Variants in PTPN3 observed in about 807,000 individuals in gnomAD.
PTPN3 encodes the protein tyrosine-protein phosphatase non-receptor type 3.
Under a neutral mutation model 132.7 loss-of-function variants are expected in PTPN3, and 96 were observed. The observed-to-expected ratio is 0.72, with a 90% CI of 0.61 to 0.86. The LOEUF is 0.86. PTPN3 is among the 40% of genes least tolerant of loss of function. The pLI is 0.00. For missense variants in PTPN3, 1,125 were observed against 1,159.6 expected (o/e 0.97, Z 0.43); for synonymous variants, 398 against 429.0 (o/e 0.93, Z 0.89).
chr9:109,381,669 T>A lies in PTPN3; in HGVS notation c.2647A>T (p.Met883Leu). 6.2e-7 allele frequency: 1 copy of A among 1,614,232 alleles called. No homozygotes were observed. The change falls in exon 25 of 26, where the codon ATG becomes TTG. Residue 883 changes from methionine to leucine, a missense_variant. Transcript: ENST00000374541. ...CTACTCACTGATGTCTGCACCATCATGGCGCGCTGGTCTCGCATTTTTCGG... is the reference window on the plus strand; with the variant it reads ...CTACTCACTGATGTCTGCACCATCAAGGCGCGCTGGTCTCGCATTTTTCGG... The part of the protein sequence containing the change: ...IVRKMRDQRA[M>L]MVQTSSQYKF...
At chr9:109,457,483 A>C (rs1352837545) in intron 2 of PTPN3, 84 bp from the exon 3 acceptor site, 7 of 1,096,700 alleles carry the variant, frequency 6.4e-6, no homozygotes, top group Admixed American at 2.3e-5. Flanking sequence ...AAAAAGAGTT[A>C]AAATATTCAG....
In PTPN3 at chr9:109,410,252, C is replaced by T. The variant is rs753503028; in HGVS notation, c.1477G>A (p.Ala493Thr). The T allele has an allele frequency of 3.8e-5, 61 of 1,613,426 alleles. No individual in the cohort carries two copies. The highest frequency in any genetic ancestry group is 1.7e-4 in the Middle Eastern group (1 of 6,060). Residue 493 changes from alanine (A) to threonine (T), a missense_variant, in exon 15 of 26, where the codon GCC becomes ACC. Physicochemically the swap from Ala to Thr is moderately conservative, Grantham distance 58. Coordinates refer to ENST00000374541, the MANE Select transcript of PTPN3 (RefSeq NM_002829.4). The part of the protein sequence containing the change: ...RVTKGGSTED[A>T]SQYYCDKNDN... ...ACCTTGTCACAGTAGTACTGGCTGG[C>T]GTCCTCGGTGGAGCCCCCTTTGGTC...
intron 14 of PTPN3, among the ~76,000 whole-genome samples, chr9:109,415,668 G>A (rs1051481728): frequency 5.9e-5 from 9 of 152,312 alleles, no homozygotes; most frequent in African/African-American, 1.9e-4. Flanking sequence ...CAGTGCAGTG[G>A]GGATGGTGGA....
intron 16 of PTPN3, among the ~76,000 whole-genome samples, chr9:109,408,795 AAATATAT>A (rs1322867520): frequency 1.3e-3 from 114 of 85,532 alleles, no homozygotes; most frequent in African/African-American, 3.9e-3. Context: ...AAAAAAAAAA[AAATATAT>A]ATATATATAT....
At chr9:109,457,068 GA>G in intron 4 of PTPN3, 104 bp downstream of exon 4, 1 of 1,228,934 alleles carries the variant, frequency 8.1e-7, no homozygotes, top group Non-Finnish European at 1.2e-6. Flanking sequence ...TGGACACCCG[GA>G]ACTACAGGTA....
chr9:109,466,697 A>G (rs998666933), intron 1 of PTPN3, among the ~76,000 whole-genome samples: 1 of 152,216 alleles, frequency 6.6e-6, no homozygotes, highest in African/African-American at 2.4e-5. Context: ...ATTCTGGCAG[A>G]CGCAAGTCAC....
the PTPN3 span, among the ~76,000 whole-genome samples, chr9:109,536,828 C>T: frequency 1.9e-4 from 29 of 152,112 alleles, no homozygotes; most frequent in Non-Finnish European, 3.5e-4. Context: ...TATTGTAAGT[C>T]TCTGGGAAGT....
chr9:109,437,939 T>C (rs1056602172), intron 8 of PTPN3, among the ~76,000 whole-genome samples, 175 bp downstream of exon 8: 9 of 152,160 alleles, frequency 5.9e-5, no homozygotes, highest in African/African-American at 1.2e-4. Flanking sequence ...TTTACAGAAA[T>C]GCTAGTTATG....
chr9:109,430,795 G>T (rs1012669804), intron 10 of PTPN3, among the ~76,000 whole-genome samples: 1 of 152,214 alleles, frequency 6.6e-6, no homozygotes, highest in East Asian at 1.9e-4. Flanking sequence ...AGCCCTCCAT[G>T]ACCTGGCCCC....
At chr9:109,478,413 C>T (rs1437232632) in intron 1 of PTPN3, among the ~76,000 whole-genome samples, 1 of 152,180 alleles carries the variant, frequency 6.6e-6, no homozygotes, top group Non-Finnish European at 1.5e-5. Context: ...CGTGGGTGTA[C>T]ATAACTGTGG....
intron 5 of PTPN3, 32 bp downstream of exon 5, chr9:109,454,464 C>T (rs779970129): frequency 1.9e-6 from 3 of 1,568,514 alleles, no homozygotes; most frequent in Non-Finnish European, 2.6e-6. Context: ...TTTTTATACA[C>T]TAAACAGAAA....
Position 109,479,804 on chromosome 9 carries a change from C to T in PTPN3, c.-17-16353G>A, listed in dbSNP as rs867886618. Reference sequence around the variant, plus strand: ...CTGTTGCCCAGGCTGGTCTCAAACTCCTGAGCTCAAGCGATACACCCTCCC... The same window carrying T: ...CTGTTGCCCAGGCTGGTCTCAAACTTCTGAGCTCAAGCGATACACCCTCCC... On this transcript the variant is annotated intron_variant, in intron 1 of 25. Coordinates refer to ENST00000374541, the MANE Select transcript of PTPN3 (RefSeq NM_002829.4). Among the ~76,000 whole-genome samples, 3 of 152,238 alleles carry T rather than the reference C, an allele frequency of 2.0e-5. No individual in the cohort carries two copies. In the Middle Eastern group the frequency reaches 0.01, roughly 521 times the overall value.
At chr9:109,461,337 T>C (rs1845834090) in intron 2 of PTPN3, among the ~76,000 whole-genome samples, 1 of 152,080 alleles carries the variant, frequency 6.6e-6, no homozygotes, top group East Asian at 1.9e-4. Context: ...GGACAAGGGA[T>C]TGACATCTTT....
At chr9:109,443,235 C>T (rs1844621480) in intron 7 of PTPN3, among the ~76,000 whole-genome samples, 1 of 152,178 alleles carries the variant, frequency 6.6e-6, no homozygotes, top group Non-Finnish European at 1.5e-5. Flanking sequence ...CACCACCACA[C>T]CCAGCTAATT....
At chr9:109,460,470 G>A (rs1429745585) in intron 2 of PTPN3, among the ~76,000 whole-genome samples, 1 of 151,974 alleles carries the variant, frequency 6.6e-6, no homozygotes, top group Non-Finnish European at 1.5e-5. Flanking sequence ...GATCTACAAG[G>A]CTCCATGCGA....
At chr9:109,404,945 T>A (rs1257708460) in intron 18 of PTPN3, among the ~76,000 whole-genome samples, 1 of 152,226 alleles carries the variant, frequency 6.6e-6, no homozygotes, top group Non-Finnish European at 1.5e-5. Flanking sequence ...CGGGTTATTC[T>A]TCTACCCATC....
the PTPN3 span, among the ~76,000 whole-genome samples, chr9:109,516,194 C>T: frequency 6.6e-6 from 1 of 152,180 alleles, no homozygotes; most frequent in Non-Finnish European, 1.5e-5. Context: ...CACTCATTCA[C>T]TCGTGATGAT....
chr9:109,430,897 C>T (rs1040454133), intron 10 of PTPN3, among the ~76,000 whole-genome samples: 4 of 152,222 alleles, frequency 2.6e-5, no homozygotes, highest in African/African-American at 9.6e-5. Flanking sequence ...TGTCTCTGGA[C>T]CTATACACCC....
intron 8 of PTPN3, 66 bp from the exon 9 acceptor site, chr9:109,437,036 A>G: frequency 1.2e-6 from 2 of 1,600,822 alleles, no homozygotes. Context: ...CCAATTTTAA[A>G]AAATCTAGAA....
Sources: allele counts gnomAD v4.1 joint callset (sites outside exome capture counted in the v4.1 genomes callset), GRCh38; gene constraint gnomAD v4.1.1; transcripts MANE v1.5; gene names NCBI Gene and HGNC (gene_info 2026-07-23, HGNC 2026-07-21).